The following ANKEF1 variants were observed in gnomAD, a reference collection of about 807,000 sequenced individuals.
ANKEF1 encodes ankyrin repeat and EF-hand domain-containing protein 1.
A neutral mutation model predicts 65.1 loss-of-function variants in ANKEF1; 43 were observed. That is an observed-to-expected ratio of 0.66 (90% CI 0.52 to 0.85). The LOEUF is 0.85. Ranked by LOEUF, ANKEF1 falls within the 40% of genes least tolerant of loss-of-function variation. The probability of loss-of-function intolerance (pLI) is 0.00; values close to 1 mark genes in which losing one functional copy is unlikely to be tolerated. For missense variants in ANKEF1, 934 were observed against 952.9 expected, an observed-to-expected ratio of 0.98 and a Z score of 0.26; for synonymous variants, 316 against 341.5, an observed-to-expected ratio of 0.93 and a Z score of 0.82.
chr20:10,052,360 T>G (rs1217267932), intron 8 of ANKEF1, among the ~76,000 whole-genome samples: 2 of 152,210 alleles, frequency 1.3e-5, no homozygotes, highest in Admixed American at 6.5e-5. Context: ...TAATTACTAA[T>G]AATTGCATAC....
chr20:10,052,465 A>G (rs1984917962), intron 8 of ANKEF1, among the ~76,000 whole-genome samples: 1 of 152,232 alleles, frequency 6.6e-6, no homozygotes. Flanking sequence ...CCTACCTTGT[A>G]TCATAAATAC....
intron 6 of ANKEF1, among the ~76,000 whole-genome samples, chr20:10,046,287 T>C (rs778577115): frequency 5.5e-4 from 84 of 152,322 alleles, no homozygotes; most frequent in Non-Finnish European, 5.0e-4. Flanking sequence ...AAGTTCCTTA[T>C]TTTAAAAATG....
chr20:10,036,355 A>G (rs1440082986), intron 2 of ANKEF1, among the ~76,000 whole-genome samples: 1 of 149,976 alleles, frequency 6.7e-6, no homozygotes, highest in Non-Finnish European at 1.5e-5. Context: ...ATCTTGCCCT[A>G]TTCCATAGAT....
chr20:10,038,343 C>T lies in ANKEF1; in HGVS notation c.42C>T (p.Tyr14=), dbSNP rs372473031. ...ADKRLENLQI[Y]KVLQCVRNKD... Reference sequence around the variant, plus strand: ...AGAGACTTGAGAACTTACAGATCTACAAAGTTCTTCAATGTGTGCGGAACA... The same window carrying T: ...AGAGACTTGAGAACTTACAGATCTATAAAGTTCTTCAATGTGTGCGGAACA... The change falls in exon 3 of 11, where the codon TAC becomes TAT. Residue 14 remains tyrosine (Y), a synonymous_variant. Coordinates refer to ENST00000378392, the MANE Select transcript of ANKEF1 (RefSeq NM_022096.6). 3.0e-4 allele frequency: 481 copies of T among 1,596,196 alleles called. 7 individuals carry two copies. The South Asian group carries it at 5.1e-3, about 17-fold the overall frequency.
At position 10,057,053 on chromosome 20, in the gene ANKEF1, G is replaced by A. The variant is rs1388885321; in HGVS notation, c.*1393G>A. On this transcript the variant is annotated 3_prime_UTR_variant, in exon 11 of 11. Coordinates refer to ENST00000378392, the MANE Select transcript of ANKEF1 (RefSeq NM_022096.6). ...GAAATGCAGTGGGTACCGAACAGGA[G>A]CTCCAAAAATATCCAACGTCTCATT... 6.6e-6 allele frequency: 1 copy of A among 152,200 alleles called. No individual in the cohort carries two copies. The highest frequency in any genetic ancestry group is 1.5e-5 in the Non-Finnish European group (1 of 68,056). The allele number at this position is 152,200 out of a possible 1,614,324, so 9.4% of individuals were successfully genotyped here.
In ANKEF1 at chr20:10,041,327, C is replaced by T. The variant is rs145962866; in HGVS notation, c.347-1795C>T. On this transcript the variant is annotated intron_variant, in intron 3 of 10. Coordinates refer to ENST00000378392, the MANE Select transcript of ANKEF1 (RefSeq NM_022096.6). ...TTTTTTTAGTTATTTTAATGGTTAA[C>T]TTGATACTTCATATGCCCTTAAACC... 4.8e-4 allele frequency among the ~76,000 whole-genome samples: 72 copies of T among 151,136 alleles called. 1 individual carries two copies. The East Asian group carries it at 8.9e-3, about 19-fold the overall frequency.
Position 10,038,506 on chromosome 20 carries a change from G to A in ANKEF1, c.205G>A (p.Asp69Asn). 6.2e-7 allele frequency: 1 copy of A among 1,614,174 alleles called. No individual in the cohort carries two copies. The highest frequency in any genetic ancestry group is 1.7e-5 in the Admixed American group (1 of 60,022). ...NDIDMVSFLL[D>N]LGAHPDVQDR... ...TATTGATATGGTCAGCTTTCTCCTTGACCTTGGTGCTCACCCTGATGTGCA... is the reference window on the plus strand; with the variant it reads ...TATTGATATGGTCAGCTTTCTCCTTAACCTTGGTGCTCACCCTGATGTGCA... Residue 69 changes from aspartate to asparagine, a missense_variant, in exon 3 of 11, where the codon GAC becomes AAC. Physicochemically the swap from Asp to Asn is conservative, Grantham distance 23. Transcript: ENST00000378392.
At chr20:10,053,402 A>G in intron 9 of ANKEF1, 127 bp downstream of exon 9, 1 of 720,274 alleles carries the variant, frequency 1.4e-6, no homozygotes, top group Non-Finnish European at 2.2e-6. Flanking sequence ...GCATACTTTC[A>G]ATAGCATTAT....
intron 6 of ANKEF1, among the ~76,000 whole-genome samples, chr20:10,046,243 C>G (rs1984521347): frequency 6.6e-6 from 1 of 152,282 alleles, no homozygotes; most frequent in East Asian, 1.9e-4. Context: ...TCTCAAAAAA[C>G]AAACAAACAA....
intron 4 of ANKEF1, 119 bp from the exon 5 acceptor site, chr20:10,044,275 G>T (rs2122238398): frequency 8.6e-7 from 1 of 1,161,600 alleles, no homozygotes; most frequent in Non-Finnish European, 1.2e-6. Flanking sequence ...AAAATGTAGA[G>T]AACTAAACTT....
intron 2 of ANKEF1, among the ~76,000 whole-genome samples, chr20:10,036,411 T>A (rs980431870): frequency 2.0e-5 from 3 of 151,886 alleles, no homozygotes; most frequent in African/African-American, 7.3e-5. Flanking sequence ...CTAATCGGAA[T>A]ATGGCCGATA....
chr20:10,055,887 A>T lies in ANKEF1; in HGVS notation c.*227A>T. ...TCTGGATAAATCCCCAAGCCCCTTT[A>T]TGAATGTAGTGAAATACATGGCATG... On this transcript the variant is annotated 3_prime_UTR_variant, in exon 11 of 11. Coordinates refer to ENST00000378392, the MANE Select transcript of ANKEF1 (RefSeq NM_022096.6). 2.0e-6 allele frequency: 1 copy of T among 506,330 alleles called. No homozygotes were observed. Among genetic ancestry groups the T allele is most frequent in the South Asian group, 2.5e-5 (1 of 39,396 alleles). 31.4% of individuals were successfully genotyped at this position (506,330 alleles called of 1,614,324 possible).
chr20:10,045,999 G>A (rs1168852579), intron 6 of ANKEF1, among the ~76,000 whole-genome samples: 42 of 152,136 alleles, frequency 2.8e-4, no homozygotes, highest in Non-Finnish European at 1.5e-4. Flanking sequence ...GGCGGGGTGT[G>A]GTGGCTCATG....
Position 10,035,081 on chromosome 20 carries a change from C to A in ANKEF1, c.-361C>A, listed in dbSNP as rs12106132. ...CCCTGCGCTCACCTGCCCGCGCGCTCGCCTTCCGGGGACCCGGGGCCCATG... is the reference window on the plus strand; with the variant it reads ...CCCTGCGCTCACCTGCCCGCGCGCTAGCCTTCCGGGGACCCGGGGCCCATG... On this transcript the variant is annotated 5_prime_UTR_variant, in exon 1 of 11. Coordinates refer to ENST00000378392, the MANE Select transcript of ANKEF1 (RefSeq NM_022096.6). The A allele has an allele frequency of 0.2, 31,095 of 153,872 alleles. 3,405 individuals are homozygous for A. Among genetic ancestry groups the A allele is most frequent in the African/African-American group, 0.27 (11,252 of 41,548 alleles). 9.5% of individuals were successfully genotyped at this position (153,872 alleles called of 1,614,324 possible). A position where few individuals can be genotyped will look rare whatever the true frequency, so the allele number is the denominator to read the frequency against.
Position 10,054,448 on chromosome 20 carries a change from G to T in ANKEF1, c.2035-14G>T, listed in dbSNP as rs746398311. ...GATTTTTACAATTTATAATTTTTTT[G>T]TTCTTGTTTCCAGGAACTGCTGTCA... On this transcript the variant is annotated splice_polypyrimidine_tract_variant and intron_variant, in intron 9 of 10. Transcript: ENST00000378392. 3.9e-6 allele frequency: 6 copies of T among 1,520,246 alleles called. No homozygotes were observed. Among genetic ancestry groups the T allele is most frequent in the Middle Eastern group, 1.7e-4 (1 of 5,736 alleles). 94.2% of individuals were successfully genotyped at this position (1,520,246 alleles called of 1,614,324 possible). A position where few individuals can be genotyped will look rare whatever the true frequency, so the allele number is the denominator to read the frequency against.
chr20:10,053,874 G>T (rs1296248433), intron 9 of ANKEF1, among the ~76,000 whole-genome samples: 1 of 152,142 alleles, frequency 6.6e-6, no homozygotes, highest in Admixed American at 6.5e-5. Context: ...TGCAGTGGAA[G>T]GTTGAAGTTG....
chr20:10,052,772 A>G (rs1234482905), intron 8 of ANKEF1, among the ~76,000 whole-genome samples: 1 of 152,220 alleles, frequency 6.6e-6, no homozygotes, highest in Non-Finnish European at 1.5e-5. Context: ...TATCTATCAC[A>G]TAGAAGGAAA....
chr20:10,042,531 C>G (rs1258149334), intron 3 of ANKEF1, among the ~76,000 whole-genome samples: 1 of 152,146 alleles, frequency 6.6e-6, no homozygotes, highest in Non-Finnish European at 1.5e-5. Context: ...TATTGAAGGC[C>G]TGTATGTTAC....
intron 4 of ANKEF1, 152 bp downstream of exon 4, chr20:10,043,473 A>C (rs112322825): frequency 1.4e-6 from 1 of 712,650 alleles, no homozygotes; most frequent in Non-Finnish European, 2.3e-6. Context: ...TATTATCTTC[A>C]TATTGCTGTG....
Sources: gnomAD v4.1 joint callset for allele counts (sites outside exome capture counted in the v4.1 genomes callset) on GRCh38, gnomAD v4.1.1 for gene constraint, MANE v1.5 for transcripts, NCBI Gene and HGNC (gene_info 2026-07-23, HGNC 2026-07-21) for gene names.